The following MICAL3 variants were observed in gnomAD, a reference collection of about 807,000 sequenced individuals.
MICAL3 encodes [F-actin]-monooxygenase MICAL3.
MICAL3 carries 62 observed loss-of-function variants against 207.4 expected under a neutral mutation model. The observed-to-expected ratio is 0.30, with a 90% CI of 0.24 to 0.37. The LOEUF is 0.37. Among genes scored for constraint, MICAL3 ranks in the 10% least tolerant of loss-of-function variants. The pLI, the probability that MICAL3 is intolerant of heterozygous loss-of-function variation, is 1.00. For missense variants in MICAL3, 2,368 were observed against 2,635.6 expected (o/e 0.90, Z 2.22); for synonymous variants, 1,077 against 1,069.3 (o/e 1.01, Z -0.14).
intron 20 of MICAL3, among the ~76,000 whole-genome samples, chr22:17,836,043 T>C (rs991328952): frequency 2.0e-5 from 3 of 152,128 alleles, no homozygotes; most frequent in Admixed American, 6.5e-5. Flanking sequence ...AAATCCCTCC[T>C]TGTCTCAGTT....
chr22:17,910,638 C>G (rs1450377946), intron 1 of MICAL3, among the ~76,000 whole-genome samples: 1 of 152,166 alleles, frequency 6.6e-6, no homozygotes, highest in African/African-American at 2.4e-5. Flanking sequence ...CTTGGGCTGC[C>G]TCACTTTTCC....
intron 1 of MICAL3, among the ~76,000 whole-genome samples, chr22:17,907,138 G>C (rs1931784941): frequency 6.6e-6 from 1 of 152,096 alleles, no homozygotes; most frequent in South Asian, 2.1e-4. Flanking sequence ...TCAATGGACT[G>C]TACCAAGTGC....
At position 17,816,529 on chromosome 22, in the gene MICAL3, C is replaced by T. The variant is rs79947159; in HGVS notation, c.5445+161G>A. On this transcript the variant is annotated intron_variant, in intron 27 of 31. Coordinates refer to ENST00000441493, the MANE Select transcript of MICAL3 (RefSeq NM_015241.3). ...TCCCATGTAGAAAGCCCAGCGTGAC[C>T]GCCTCAGTGCATAGGGCTGGGTCAG... Among the ~76,000 whole-genome samples the T allele has an allele frequency of 2.3e-3, 353 of 152,352 alleles. 1 individual carries two copies. The East Asian group carries it at 0.029, about 12-fold the overall frequency.
chr22:17,915,708 C>T (rs1262471498), intron 1 of MICAL3, among the ~76,000 whole-genome samples: 1 of 152,120 alleles, frequency 6.6e-6, no homozygotes, highest in Non-Finnish European at 1.5e-5. Flanking sequence ...ACCAGCCACC[C>T]CACACCTGCC....
intron 22 of MICAL3, among the ~76,000 whole-genome samples, chr22:17,827,434 T>A (rs1922319787): frequency 6.6e-6 from 1 of 152,086 alleles, no homozygotes; most frequent in Non-Finnish European, 1.5e-5. Context: ...GGAGAAAGAG[T>A]CCACAACCTC....
At chr22:17,975,447 C>G (rs149392348) in intron 1 of MICAL3, among the ~76,000 whole-genome samples, 51 of 152,264 alleles carry the variant, frequency 3.3e-4, no homozygotes, top group African/African-American at 1.2e-3. Context: ...GAACTTCTTA[C>G]ACTCTGCACT....
At chr22:17,958,918 C>T (rs979203670) in intron 1 of MICAL3, among the ~76,000 whole-genome samples, 1 of 151,064 alleles carries the variant, frequency 6.6e-6, no homozygotes, top group African/African-American at 2.4e-5. Context: ...GTTGGCCAAG[C>T]TGGTCTTGAA....
At chr22:17,826,737 C>T (rs909405939) in intron 22 of MICAL3, among the ~76,000 whole-genome samples, 2 of 152,184 alleles carry the variant, frequency 1.3e-5, no homozygotes, top group East Asian at 3.9e-4. Context: ...GTAGGGCCAC[C>T]GCCGGCCCAG....
intron 1 of MICAL3, among the ~76,000 whole-genome samples, chr22:18,021,393 C>G (rs1924466977): frequency 6.6e-6 from 1 of 152,234 alleles, no homozygotes; most frequent in Non-Finnish European, 1.5e-5. Flanking sequence ...TCATGCAGAA[C>G]TAGTCAGGAG....
chr22:17,972,653 CAGG>C (rs761954446), intron 1 of MICAL3, among the ~76,000 whole-genome samples: 9 of 152,002 alleles, frequency 5.9e-5, no homozygotes, highest in Non-Finnish European at 1.0e-4. Flanking sequence ...TTTGGGGCAG[CAGG>C]AGAAGGAAGG....
At chr22:17,915,987 G>A (rs1932475370) in intron 1 of MICAL3, among the ~76,000 whole-genome samples, 1 of 145,474 alleles carries the variant, frequency 6.9e-6, no homozygotes, top group East Asian at 2.1e-4. Flanking sequence ...TACCCAGGAG[G>A]TCGAGGCTGC....
chr22:17,822,916 C>T, intron 23 of MICAL3, 31 bp downstream of exon 23: 2 of 1,454,174 alleles, frequency 1.4e-6, no homozygotes, highest in Non-Finnish European at 1.9e-6. Flanking sequence ...CCTGAGCTCC[C>T]ACCACAGGGG....
At chr22:17,995,109 C>T (rs1922128370) in intron 1 of MICAL3, among the ~76,000 whole-genome samples, 1 of 152,218 alleles carries the variant, frequency 6.6e-6, no homozygotes, top group African/African-American at 2.4e-5. Context: ...TGCCCTTCCG[C>T]TTCCACCTTT....
At chr22:17,924,140 C>T (rs1932860507) in intron 1 of MICAL3, among the ~76,000 whole-genome samples, 2 of 152,194 alleles carry the variant, frequency 1.3e-5, no homozygotes, top group East Asian at 1.9e-4. Context: ...TCCCACGACA[C>T]GTGGGGAATA....
At chr22:18,017,406 G>A (rs1924130637) in intron 1 of MICAL3, among the ~76,000 whole-genome samples, 1 of 151,408 alleles carries the variant, frequency 6.6e-6, no homozygotes. Context: ...TAGTGGAGAT[G>A]CGGTTTCACA....
chr22:17,939,310 C>G (rs551346751), intron 1 of MICAL3, among the ~76,000 whole-genome samples: 46 of 152,348 alleles, frequency 3.0e-4, no homozygotes, highest in Non-Finnish European at 6.2e-4. Context: ...CATTCTGTTA[C>G]AAGCAACAGA....
At chr22:17,978,548 C>CT (rs1356770814) in intron 1 of MICAL3, among the ~76,000 whole-genome samples, 3 of 151,294 alleles carry the variant, frequency 2.0e-5, no homozygotes, top group African/African-American at 7.3e-5. Context: ...GAGTCTCCCT[C>CT]TGTCACCCAG....
At chr22:17,797,467 C>G (rs1477599941) in intron 29 of MICAL3, among the ~76,000 whole-genome samples, 1 of 152,182 alleles carries the variant, frequency 6.6e-6, no homozygotes, top group Non-Finnish European at 1.5e-5. Flanking sequence ...GCACTCCAGC[C>G]TGGGTGAGTG....
chr22:17,891,020 C>T (rs999751322), intron 12 of MICAL3, among the ~76,000 whole-genome samples: 2 of 152,198 alleles, frequency 1.3e-5, no homozygotes, highest in Non-Finnish European at 2.9e-5. Context: ...AATTGGTCAA[C>T]TGTTCATGAT....
Sources: gnomAD v4.1 joint callset for allele counts (sites outside exome capture counted in the v4.1 genomes callset) on GRCh38, gnomAD v4.1.1 for gene constraint, MANE v1.5 for transcripts, NCBI Gene and HGNC (gene_info 2026-07-23, HGNC 2026-07-21) for gene names.